The following COX7B2 variants were observed in gnomAD, a reference collection of about 807,000 sequenced individuals.
COX7B2 encodes the protein cytochrome c oxidase subunit 7B2, mitochondrial.
For missense variants in COX7B2, 109 were observed against 95.9 expected (o/e 1.14, Z -0.57); for synonymous variants, 37 against 32.1 (o/e 1.15, Z -0.51).
At chr4:46,783,665 G>C (rs1717599288) in intron 2 of COX7B2, among the ~76,000 whole-genome samples, 1 of 152,164 alleles carries the variant, frequency 6.6e-6, no homozygotes, top group Non-Finnish European at 1.5e-5. Context: ...CACATGCTAG[G>C]CCCATTCCCT....
intron 1 of COX7B2, among the ~76,000 whole-genome samples, chr4:46,899,366 G>A (rs28481742): frequency 0.13 from 20,318 of 152,124 alleles, 1,483 homozygotes; most frequent in South Asian, 0.25. Context: ...GTTAAGTAAG[G>A]CAAGCAAGAA....
intron 2 of COX7B2, among the ~76,000 whole-genome samples, chr4:46,762,999 A>T (rs1716282282): frequency 7.5e-6 from 1 of 132,848 alleles, no homozygotes; most frequent in Non-Finnish European, 1.6e-5. Flanking sequence ...TATGTATATT[A>T]AATATACATA....
At position 46,848,155 on chromosome 4, in the gene COX7B2, C is replaced by T. The variant is rs116433519; in HGVS notation, c.-104-3141G>A. On this transcript the variant is annotated intron_variant, in intron 1 of 2. Transcript: ENST00000355591. ...TTCAGCCTTACTAGGCTCCTAAGAC[C>T]CAATTAGTGTCAGAGCTGTGCTAGT... Among the ~76,000 whole-genome samples, 1,176 of 152,090 alleles carry T rather than the reference C, an allele frequency of 7.7e-3. 18 individuals are homozygous for T. The highest frequency in any genetic ancestry group is 0.027 in the African/African-American group (1,133 of 41,518).
chr4:46,754,819 A>G lies in COX7B2; in HGVS notation c.-49-19578T>C, dbSNP rs188762522. On this transcript the variant is annotated intron_variant, in intron 2 of 2. Coordinates refer to ENST00000355591, the MANE Select transcript of COX7B2 (RefSeq NM_130902.3). ...AATTAATAAAAAATTTCTCACCAAC[A>G]AGAAAGCCAGGACCAGCTAGATTCA... Among the ~76,000 whole-genome samples, 7 of 149,288 alleles carry G rather than the reference A, an allele frequency of 4.7e-5. No homozygotes were observed. The East Asian group carries it at 8.0e-4, about 17-fold the overall frequency.
intron 2 of COX7B2, among the ~76,000 whole-genome samples, chr4:46,742,441 G>A (rs769372517): frequency 5.9e-5 from 9 of 152,050 alleles, no homozygotes; most frequent in Admixed American, 6.6e-5. Context: ...AAGTGTACAC[G>A]GTGCAAAGTG....
At chr4:46,877,323 C>G (rs941104439) in intron 1 of COX7B2, among the ~76,000 whole-genome samples, 1 of 152,150 alleles carries the variant, frequency 6.6e-6, no homozygotes, top group African/African-American at 2.4e-5. Flanking sequence ...CCAAGGCTTT[C>G]TTATTTACTA....
rs571390541 is a variant in COX7B2, at chr4:46,830,793, T to C, written c.-50+14167A>G. Among the ~76,000 whole-genome samples the C allele has an allele frequency of 3.4e-4, 52 of 152,312 alleles. 1 individual carries two copies. The highest frequency in any genetic ancestry group is 1.1e-3 in the African/African-American group (44 of 41,586). ...AACCTTGGCTGAAAGTCTCTGCAAA[T>C]GGCTTTCAAAGTTTTACTGGGCATT... On this transcript the variant is annotated intron_variant, in intron 2 of 2. Transcript: ENST00000355591.
At chr4:46,854,447 A>G (rs1278757244) in intron 1 of COX7B2, among the ~76,000 whole-genome samples, 1 of 152,218 alleles carries the variant, frequency 6.6e-6, no homozygotes, top group African/African-American at 2.4e-5. Context: ...GGCTATTTCA[A>G]TTCAAATTTA....
intron 2 of COX7B2, among the ~76,000 whole-genome samples, chr4:46,843,731 A>T (rs1172498524): frequency 6.6e-6 from 1 of 152,066 alleles, no homozygotes; most frequent in African/African-American, 2.4e-5. Flanking sequence ...TTAAATGAAG[A>T]TAATATAGTC....
chr4:46,856,100 C>T (rs1236527230), intron 1 of COX7B2, among the ~76,000 whole-genome samples: 6 of 151,762 alleles, frequency 4.0e-5, no homozygotes, highest in Admixed American at 6.6e-5. Flanking sequence ...AAAAATTAGC[C>T]GGTCATGGTG....
intron 1 of COX7B2, among the ~76,000 whole-genome samples, chr4:46,849,043 C>T (rs1716485954): frequency 6.6e-6 from 1 of 152,000 alleles, no homozygotes; most frequent in South Asian, 2.1e-4. Flanking sequence ...AAAGTCTGTA[C>T]ATGTCAGTAC....
intron 2 of COX7B2, among the ~76,000 whole-genome samples, chr4:46,790,366 C>T (rs1156438415): frequency 6.6e-6 from 1 of 152,156 alleles, no homozygotes; most frequent in Non-Finnish European, 1.5e-5. Flanking sequence ...ACTCCTGAAT[C>T]TTTTATTCAC....
chr4:46,779,170 T>C (rs1211489350), intron 2 of COX7B2, among the ~76,000 whole-genome samples: 3 of 152,188 alleles, frequency 2.0e-5, no homozygotes, highest in Non-Finnish European at 4.4e-5. Context: ...AATTTACTTA[T>C]ATTATTACAT....
intron 2 of COX7B2, among the ~76,000 whole-genome samples, chr4:46,825,786 T>TC (rs2109709181): frequency 6.6e-6 from 1 of 152,156 alleles, no homozygotes; most frequent in Admixed American, 6.5e-5. Context: ...GGGGAAAGAC[T>TC]CCCTATTCAA....
At chr4:46,806,082 C>T (rs1718980235) in intron 2 of COX7B2, among the ~76,000 whole-genome samples, 1 of 152,060 alleles carries the variant, frequency 6.6e-6, no homozygotes, top group Non-Finnish European at 1.5e-5. Context: ...GTTTAAAATT[C>T]AGTCTTTTGT....
intron 1 of COX7B2, among the ~76,000 whole-genome samples, chr4:46,852,563 TAC>T (rs113148039): frequency 0.016 from 2,361 of 145,106 alleles, 17 homozygotes; most frequent in Middle Eastern, 0.073. Context: ...AATACACAAA[TAC>T]ACACACACAC....
chr4:46,885,984 A>T (rs1719061923), intron 1 of COX7B2, among the ~76,000 whole-genome samples: 1 of 152,176 alleles, frequency 6.6e-6, no homozygotes, highest in Non-Finnish European at 1.5e-5. Flanking sequence ...CACCATGCAG[A>T]CATTTTACTG....
chr4:46,847,877 C>A (rs543213360), intron 1 of COX7B2, among the ~76,000 whole-genome samples: 50 of 152,154 alleles, frequency 3.3e-4, no homozygotes, highest in African/African-American at 1.2e-3. Context: ...AAGCCGGGTT[C>A]AGCCACTTCC....
chr4:46,756,467 A>T (rs1276762072), intron 2 of COX7B2, among the ~76,000 whole-genome samples: 1 of 152,266 alleles, frequency 6.6e-6, no homozygotes, highest in Middle Eastern at 3.4e-3. Flanking sequence ...ATTAAACTAA[A>T]AAGCTTCTGT....
Sources: gnomAD v4.1 joint callset for allele counts (sites outside exome capture counted in the v4.1 genomes callset) on GRCh38, gnomAD v4.1.1 for gene constraint, MANE v1.5 for transcripts, NCBI Gene and HGNC (gene_info 2026-07-23, HGNC 2026-07-21) for gene names.